NEGR1: variants seen among roughly 807,000 people sequenced by gnomAD.
The protein encoded by NEGR1 is IgLON family member 4.
In NEGR1, 10 loss-of-function variants were observed where a neutral mutation model predicts 40.9. The observed-to-expected ratio is 0.24, with a 90% confidence interval of 0.15 to 0.42. The LOEUF is 0.42. Among genes scored for constraint, NEGR1 ranks in the 10% least tolerant of loss-of-function variants. NEGR1 has a pLI of 1.00. For synonymous variants in NEGR1, 185 were observed against 166.8 expected (o/e 1.11, Z -0.84); for missense variants, 352 against 438.9 (o/e 0.80, Z 1.77).
chr1:71,559,686 T>G (rs994200819), intron 6 of NEGR1, among the ~76,000 whole-genome samples: 6 of 151,576 alleles, frequency 4.0e-5, no homozygotes, highest in African/African-American at 1.5e-4. Context: ...TCCTAAAACA[T>G]GTATGTGAAG....
At chr1:71,569,101 A>C (rs952553824) in intron 6 of NEGR1, among the ~76,000 whole-genome samples, 17 of 151,938 alleles carry the variant, frequency 1.1e-4, no homozygotes, top group Non-Finnish European at 2.4e-4. Flanking sequence ...TATTTTTAGT[A>C]GAGACAGGGT....
chr1:71,857,800 A>G (rs1165154477), intron 2 of NEGR1, among the ~76,000 whole-genome samples: 5 of 152,020 alleles, frequency 3.3e-5, no homozygotes, highest in African/African-American at 9.7e-5. Context: ...TCAACAAAAT[A>G]TACATTTTCT....
chr1:72,270,601 T>G (rs1655809943), intron 1 of NEGR1, among the ~76,000 whole-genome samples: 1 of 151,912 alleles, frequency 6.6e-6, no homozygotes, highest in Admixed American at 6.6e-5. Flanking sequence ...GTATCTTCCA[T>G]TCTAAACTGC....
At chr1:72,134,891 T>C (rs1650392971) in intron 1 of NEGR1, among the ~76,000 whole-genome samples, 1 of 150,794 alleles carries the variant, frequency 6.6e-6, no homozygotes. Flanking sequence ...GCATGTTCCA[T>C]AACACCCAGC....
chr1:71,556,654 T>C (rs1400841), intron 6 of NEGR1, among the ~76,000 whole-genome samples: 74,943 of 144,748 alleles, frequency 0.52, 22,111 homozygotes, highest in Non-Finnish European at 0.7. Flanking sequence ...CACACACACA[T>C]ACACACACAC....
intron 1 of NEGR1, among the ~76,000 whole-genome samples, chr1:72,062,216 C>T (rs1033031364): frequency 6.6e-6 from 1 of 151,808 alleles, no homozygotes; most frequent in African/African-American, 2.4e-5. Flanking sequence ...TTTGTCTCCT[C>T]CCCTTTGGAA....
At chr1:72,216,767 T>C (rs2100473930) in intron 1 of NEGR1, among the ~76,000 whole-genome samples, 1 of 151,468 alleles carries the variant, frequency 6.6e-6, no homozygotes, top group African/African-American at 2.4e-5. Context: ...TGAAAGGTAA[T>C]ACATTTAGGG....
chr1:72,227,717 A>G (rs928827059), intron 1 of NEGR1, among the ~76,000 whole-genome samples: 1 of 152,108 alleles, frequency 6.6e-6, no homozygotes, highest in African/African-American at 2.4e-5. Flanking sequence ...TATGGTATAC[A>G]TAAGTGATTG....
At chr1:71,996,877 C>T (rs1646509150) in intron 1 of NEGR1, among the ~76,000 whole-genome samples, 1 of 151,982 alleles carries the variant, frequency 6.6e-6, no homozygotes, top group African/African-American at 2.4e-5. Context: ...GACCTTTTCC[C>T]AATGTCTGTT....
chr1:71,925,791 G>C (rs528315707), intron 2 of NEGR1, among the ~76,000 whole-genome samples: 1 of 151,972 alleles, frequency 6.6e-6, no homozygotes, highest in East Asian at 1.9e-4. Flanking sequence ...AAGAAGAAAA[G>C]TTATTTCACC....
At chr1:71,789,963 A>G (rs931344785) in intron 2 of NEGR1, among the ~76,000 whole-genome samples, 1 of 152,164 alleles carries the variant, frequency 6.6e-6, no homozygotes, top group African/African-American at 2.4e-5. Context: ...TAGTGGAAGG[A>G]TGGAAAAGTA....
chr1:72,109,914 G>T (rs1331343003), intron 1 of NEGR1, among the ~76,000 whole-genome samples: 1 of 151,598 alleles, frequency 6.6e-6, no homozygotes, highest in Non-Finnish European at 1.5e-5. Context: ...TTCTTACTCA[G>T]TTTGTTCCCC....
intron 2 of NEGR1, among the ~76,000 whole-genome samples, chr1:71,808,341 G>C (rs940565426): frequency 2.0e-5 from 3 of 152,106 alleles, no homozygotes; most frequent in South Asian, 2.1e-4. Flanking sequence ...ACTCAAAATA[G>C]TCCCTCGCCC....
At chr1:72,152,622 C>T (rs762759387) in intron 1 of NEGR1, among the ~76,000 whole-genome samples, 3 of 151,774 alleles carry the variant, frequency 2.0e-5, no homozygotes, top group Non-Finnish European at 2.9e-5. Context: ...CAATCCTACT[C>T]GGAATTATAT....
chr1:71,885,634 G>C (rs1423642481), intron 2 of NEGR1, among the ~76,000 whole-genome samples: 1 of 152,112 alleles, frequency 6.6e-6, no homozygotes, highest in African/African-American at 2.4e-5. Context: ...TTGGAAAATG[G>C]TTGACAAGTC....
At chr1:71,857,457 CAAAAAAA>C (rs34177437) in intron 2 of NEGR1, among the ~76,000 whole-genome samples, 15 of 77,660 alleles carry the variant, frequency 1.9e-4, no homozygotes, top group African/African-American at 4.9e-4. Flanking sequence ...ACAAAAAATA[CAAAAAAA>C]AAAAAAAAAA....
intron 6 of NEGR1, among the ~76,000 whole-genome samples, chr1:71,552,805 G>C (rs1178202832): frequency 6.6e-6 from 1 of 150,930 alleles, no homozygotes. Flanking sequence ...GTTTTTTCTT[G>C]GACTATGTAA....
chr1:72,046,493 A>G (rs973946543), intron 1 of NEGR1, among the ~76,000 whole-genome samples: 1 of 151,694 alleles, frequency 6.6e-6, no homozygotes, highest in African/African-American at 2.4e-5. Flanking sequence ...AATAAATTAT[A>G]GCTTCATGAT....
At chr1:72,189,447 ATCT>A (rs1395970638) in intron 1 of NEGR1, among the ~76,000 whole-genome samples, 1 of 151,532 alleles carries the variant, frequency 6.6e-6, no homozygotes, top group Non-Finnish European at 1.5e-5. Context: ...GTTTGAAAAC[ATCT>A]TCTTGACTTT....
Sources: gnomAD v4.1 joint callset for allele counts (sites outside exome capture counted in the v4.1 genomes callset) on GRCh38, gnomAD v4.1.1 for gene constraint, MANE v1.5 for transcripts, NCBI Gene and HGNC (gene_info 2026-07-23, HGNC 2026-07-21) for gene names.